NXNL2: variants seen among roughly 807,000 people sequenced by gnomAD.
The protein encoded by NXNL2 is nucleoredoxin-like protein 2.
NXNL2 carries 7 observed loss-of-function variants against 11.1 expected under a neutral mutation model. The ratio of observed to expected loss-of-function variants is 0.63; its 90% CI spans 0.36 to 1.18. The LOEUF (loss-of-function observed/expected upper bound fraction) is 1.18, where lower values mean the gene tolerates loss of function less well. Among genes scored for constraint, NXNL2 ranks in the 50% most tolerant of loss-of-function variants. NXNL2 has a pLI of 0.02. For missense variants in NXNL2, 233 were observed against 217.7 expected, an observed-to-expected ratio of 1.07 and a Z score of -0.44; for synonymous variants, 109 against 101.8, an observed-to-expected ratio of 1.07 and a Z score of -0.42.
chr9:88,535,814 G>T, intron 1 of NXNL2, 78 bp downstream of exon 1: 1 of 1,241,712 alleles, frequency 8.1e-7, no homozygotes, highest in Non-Finnish European at 1.1e-6. Flanking sequence ...CCTCTGCACT[G>T]GGGAGCTCTT....
intron 1 of NXNL2, among the ~76,000 whole-genome samples, chr9:88,570,731 A>T (rs1413282195): frequency 3.3e-5 from 5 of 152,256 alleles, no homozygotes; most frequent in Non-Finnish European, 5.9e-5. Context: ...GGAAGAGCCC[A>T]ATACTGGTTT....
At position 88,561,614 on chromosome 9, in the gene NXNL2, G is replaced by C. The variant is rs956422678; in HGVS notation, c.303-9473G>C. ...TTAGAGTGAATTCCTAATGCTGGAG[G>C]AGGGGGAAAGGTAGGGGTGTGGGGA... On this transcript the variant is annotated intron_variant, in intron 1 of 2. Coordinates refer to the NXNL2 transcript ENST00000375855. Among the ~76,000 whole-genome samples, 2 of 152,098 alleles carry C rather than the reference G, an allele frequency of 1.3e-5. 1 individual carries two copies. Among genetic ancestry groups the C allele is most frequent in the South Asian group, 4.1e-4 (2 of 4,826 alleles).
At chr9:88,575,452 T>C (rs947599396) in exon 3 of NXNL2, 1 of 152,246 alleles carries the variant, frequency 6.6e-6, no homozygotes. Context: ...TCATTTGCAA[T>C]AATATAGATG....
chr9:88,564,644 G>A (rs967132256), intron 1 of NXNL2, among the ~76,000 whole-genome samples: 2 of 152,118 alleles, frequency 1.3e-5, no homozygotes, highest in East Asian at 1.9e-4. Flanking sequence ...TTGAACTCCC[G>A]ACCTCAGGTG....
At chr9:88,563,785 TC>T (rs1246342236) in intron 1 of NXNL2, among the ~76,000 whole-genome samples, 1 of 152,032 alleles carries the variant, frequency 6.6e-6, no homozygotes, top group Non-Finnish European at 1.5e-5. Flanking sequence ...GGAGCATCCT[TC>T]CCCACCTCTT....
intron 1 of NXNL2, among the ~76,000 whole-genome samples, chr9:88,540,463 C>T (rs1172361142): frequency 6.6e-6 from 1 of 152,114 alleles, no homozygotes; most frequent in African/African-American, 2.4e-5. Context: ...GTTCCACACG[C>T]GCCTCCCCTG....
chr9:88,555,233 C>G (rs972731339), intron 1 of NXNL2, among the ~76,000 whole-genome samples: 1 of 152,192 alleles, frequency 6.6e-6, no homozygotes, highest in Non-Finnish European at 1.5e-5. Flanking sequence ...AGGCAACCCT[C>G]AGGGCTGCTG....
chr9:88,544,344 A>G (rs1485208082), intron 1 of NXNL2, 35 bp from the exon 2 acceptor site: 3 of 1,528,340 alleles, frequency 2.0e-6, no homozygotes, highest in South Asian at 2.4e-5. Context: ...TGCATGTGGG[A>G]GTGCTAACTT....
At chr9:88,576,201 AAAACAAAACAAAC>A (rs1830346518), downstream of NXNL2, among the ~76,000 whole-genome samples, 1 of 152,258 alleles carries the variant, frequency 6.6e-6, no homozygotes. Flanking sequence ...TCTCAAAAAG[AAAACAAAACAAAC>A]AAACAAACAA....
At chr9:88,567,849 G>A (rs71510273) in intron 1 of NXNL2, among the ~76,000 whole-genome samples, 6,818 of 152,218 alleles carry the variant, frequency 0.045, 244 homozygotes, top group Non-Finnish European at 0.066. Context: ...TCTCTGCATC[G>A]GGTTGCTCTC....
intron 1 of NXNL2, among the ~76,000 whole-genome samples, chr9:88,581,661 C>T (rs1423161836): frequency 3.3e-5 from 5 of 152,092 alleles, no homozygotes; most frequent in African/African-American, 9.7e-5. Flanking sequence ...TCTCCATGTT[C>T]GTCAGGCTGG....
chr9:88,563,254 ACACACACACGTGTGTG>A (rs1429937391), intron 1 of NXNL2, among the ~76,000 whole-genome samples: 2 of 152,156 alleles, frequency 1.3e-5, no homozygotes, highest in Admixed American at 6.5e-5. Flanking sequence ...ATATGTGTGT[ACACACACACGTGTGTG>A]CACTTGGCGA....
chr9:88,554,076 A>G (rs1486205621), intron 1 of NXNL2, among the ~76,000 whole-genome samples: 1 of 152,122 alleles, frequency 6.6e-6, no homozygotes, highest in Non-Finnish European at 1.5e-5. Flanking sequence ...TCATCGTTAT[A>G]ATGGTATATG....
chr9:88,573,606 G>A (rs1378360429), intron 2 of NXNL2, among the ~76,000 whole-genome samples: 2 of 152,170 alleles, frequency 1.3e-5, no homozygotes, highest in African/African-American at 4.8e-5. Flanking sequence ...TTGCACTCAC[G>A]AGCAAGTGGT....
intron 2 of NXNL2, among the ~76,000 whole-genome samples, chr9:88,572,937 A>G (rs1215679266): frequency 2.6e-5 from 4 of 152,170 alleles, no homozygotes; most frequent in African/African-American, 9.7e-5. Flanking sequence ...TGCTGCCAGC[A>G]CTGCAGCCTC....
chr9:88,542,871 T>C (rs1829788703), intron 1 of NXNL2, among the ~76,000 whole-genome samples: 1 of 152,140 alleles, frequency 6.6e-6, no homozygotes, highest in Non-Finnish European at 1.5e-5. Context: ...GGAGATTTGC[T>C]AATAGGAGGG....
intron 1 of NXNL2, among the ~76,000 whole-genome samples, chr9:88,558,255 TA>T: frequency 6.6e-6 from 1 of 152,206 alleles, no homozygotes; most frequent in East Asian, 1.9e-4. Context: ...GCCTACATAA[TA>T]AAGCTTCCAT....
At chr9:88,553,884 A>T (rs932890997) in intron 1 of NXNL2, among the ~76,000 whole-genome samples, 3 of 152,204 alleles carry the variant, frequency 2.0e-5, no homozygotes, top group African/African-American at 7.2e-5. Flanking sequence ...GAAACAGAAA[A>T]GTAATGATCT....
chr9:88,576,743 C>G (rs533624285), downstream of NXNL2, among the ~76,000 whole-genome samples: 1 of 152,298 alleles, frequency 6.6e-6, no homozygotes, highest in African/African-American at 2.4e-5. Flanking sequence ...TTTCCTGGGA[C>G]TATGGAGTAG....
Sources: gnomAD v4.1 joint callset for allele counts (sites outside exome capture counted in the v4.1 genomes callset) on GRCh38, gnomAD v4.1.1 for gene constraint, MANE v1.5 for transcripts, NCBI Gene and HGNC (gene_info 2026-07-23, HGNC 2026-07-21) for gene names.